The following BRWD3 variants were observed in gnomAD, a reference collection of about 807,000 sequenced individuals.
BRWD3 encodes bromodomain and WD repeat-containing protein 3.
A neutral mutation model predicts 149.7 loss-of-function variants in BRWD3; 10 were observed. The ratio of observed to expected loss-of-function variants is 0.07; its 90% CI spans 0.04 to 0.11. The LOEUF (loss-of-function observed/expected upper bound fraction) is 0.11, where lower values mean the gene tolerates loss of function less well. Ranked by LOEUF, BRWD3 falls within the 10% of genes least tolerant of loss-of-function variation. BRWD3 has a pLI of 1.00. For missense variants in BRWD3, 940 were observed against 1,373.2 expected, an observed-to-expected ratio of 0.68 and a Z score of 4.99; for synonymous variants, 504 against 456.7, an observed-to-expected ratio of 1.10 and a Z score of -1.32.
chrX:80,685,504 C>T lies in BRWD3; in HGVS notation c.4038G>A (p.Glu1346=). The T allele has an allele frequency of 1.3e-5, 16 of 1,208,944 alleles. No individual in the cohort carries two copies. The highest frequency in any genetic ancestry group is 1.8e-5 in the Non-Finnish European group (16 of 893,524). ...GHQEQEGESS[E]SVVPERQQDS... ...CTTGTTGTCTTTCTGGAACAACAGA[C>T]TCTGAGGATTCTCCCTCTTGCTCCT... The change falls in exon 36 of 41, where the codon GAG becomes GAA. Residue 1346 remains glutamate, a synonymous_variant. Transcript: ENST00000373275.
intron 25 of BRWD3, among the ~76,000 whole-genome samples, chrX:80,698,490 C>A (rs1333209331): frequency 9.0e-6 from 1 of 110,813 alleles, no homozygotes; most frequent in Non-Finnish European, 1.9e-5. Flanking sequence ...GGGTGGATCA[C>A]CTGAGGTCAG....
chrX:80,727,357 C>T (rs2073265811), intron 14 of BRWD3, among the ~76,000 whole-genome samples: 1 of 111,036 alleles, frequency 9.0e-6, no homozygotes, highest in Non-Finnish European at 1.9e-5. Flanking sequence ...ATTGGTGTTA[C>T]AATAGAGCCT....
chrX:80,698,657 C>T (rs777210255), intron 25 of BRWD3, among the ~76,000 whole-genome samples: 18 of 107,682 alleles, frequency 1.7e-4, no homozygotes, highest in African/African-American at 3.1e-4. Context: ...TGCAGTGAGC[C>T]GAGATCGCTC....
At chrX:80,793,379 G>C (rs1482810510) in intron 5 of BRWD3, among the ~76,000 whole-genome samples, 4 of 109,693 alleles carry the variant, frequency 3.6e-5, no homozygotes, top group African/African-American at 1.3e-4. Flanking sequence ...GAATCTTTGA[G>C]ATCTCTATTC....
chrX:80,771,452 C>A (rs60939653), intron 6 of BRWD3, among the ~76,000 whole-genome samples: 1 of 111,564 alleles, frequency 9.0e-6, no homozygotes, highest in African/African-American at 3.3e-5. Flanking sequence ...CACCACACAT[C>A]TACAACCATC....
intron 6 of BRWD3, among the ~76,000 whole-genome samples, chrX:80,785,181 G>T (rs775372562): frequency 6.2e-5 from 7 of 112,139 alleles, no homozygotes; most frequent in African/African-American, 2.3e-4. Context: ...AATTACATAT[G>T]CCTCAGAATT....
At chrX:80,799,999 T>C (rs2147864480) in intron 4 of BRWD3, among the ~76,000 whole-genome samples, 1 of 110,751 alleles carries the variant, frequency 9.0e-6, no homozygotes, top group South Asian at 3.8e-4. Flanking sequence ...GCAAACAAAA[T>C]AGTAAATAGA....
intron 38 of BRWD3, 142 bp downstream of exon 38, chrX:80,682,323 C>G: frequency 1.4e-6 from 1 of 716,390 alleles, no homozygotes; most frequent in Non-Finnish European, 2.1e-6. Flanking sequence ...TGATTACTAA[C>G]TCTACATAGG....
intron 4 of BRWD3, among the ~76,000 whole-genome samples, chrX:80,797,608 G>C (rs953480333): frequency 2.7e-5 from 3 of 111,519 alleles, no homozygotes; most frequent in East Asian, 5.6e-4. Context: ...CAATCACTCA[G>C]TAATAATTCA....
intron 6 of BRWD3, among the ~76,000 whole-genome samples, chrX:80,781,962 G>A (rs753221837): frequency 5.4e-5 from 6 of 111,457 alleles, no homozygotes; most frequent in African/African-American, 1.3e-4. Context: ...ACGCAATCCC[G>A]ATCAAAATAC....
Position 80,684,097 on chromosome X carries a change from T to C in BRWD3, c.4146A>G (p.Gly1382=), listed in dbSNP as rs756815250. The change falls in exon 37 of 41, where the codon GGA becomes GGG. Residue 1382 remains glycine (G), a synonymous_variant. Transcript: ENST00000373275. ...AAAATTCCAGAGGACTACCATAGTT[T>C]CCTGCTTCCAAAGTTTCTTTCACAG... ...FSTVKETLEA[G]NYGSPLEFYK... The C allele has an allele frequency of 1.7e-6, 2 of 1,206,230 alleles. No homozygotes were observed. The highest frequency in any genetic ancestry group is 2.2e-5 in the Admixed American group (1 of 45,896).
rs544816184 is a variant in BRWD3, at chrX:80,684,752, T to C, written c.4081-590A>G. 3.6e-5 allele frequency among the ~76,000 whole-genome samples: 4 copies of C among 111,422 alleles called. No homozygotes were observed. In the South Asian group the frequency reaches 1.5e-3, roughly 42 times the overall value. On this transcript the variant is annotated intron_variant, in intron 36 of 40. Transcript: ENST00000373275. Reference sequence around the variant, plus strand: ...TTAGGGAAGAGGAAAGATTTCATTTTAACCTAAATCCAGTAAAGATTTTCC... The same window carrying C: ...TTAGGGAAGAGGAAAGATTTCATTTCAACCTAAATCCAGTAAAGATTTTCC...
Position 80,728,866 on chromosome X carries a change from A to C in BRWD3, c.1272T>G (p.Leu424=). ...GATCCCAGGCCACCATAGTCACCTT[A>C]AGTTTAGTGATCTTGTCTTCTCCAG... ...LPSGEDKITK[L]KVTMVAWDRY... Residue 424 remains leucine (L), a synonymous_variant, in exon 14 of 41, where the codon CTT becomes CTG. Coordinates refer to ENST00000373275, the MANE Select transcript of BRWD3 (RefSeq NM_153252.5). 8.3e-7 allele frequency: 1 copy of C among 1,209,411 alleles called. No homozygotes were observed. The highest frequency in any genetic ancestry group is 1.1e-6 in the Non-Finnish European group (1 of 893,396).
chrX:80,720,233 A>G (rs761436212), intron 17 of BRWD3, among the ~76,000 whole-genome samples: 29 of 111,528 alleles, frequency 2.6e-4, no homozygotes, highest in Admixed American at 2.2e-3. Context: ...AACAGCCTCA[A>G]GAAGGTCCTC....
chrX:80,700,776 CA>C (rs1055747853), intron 24 of BRWD3, among the ~76,000 whole-genome samples: 5 of 109,403 alleles, frequency 4.6e-5, no homozygotes, highest in African/African-American at 1.7e-4. Context: ...AATGATAATA[CA>C]GATAAAAAAC....
chrX:80,768,794 TAAAG>T (rs752303484), intron 6 of BRWD3, among the ~76,000 whole-genome samples: 39 of 110,189 alleles, frequency 3.5e-4, no homozygotes, highest in Non-Finnish European at 6.8e-4. Context: ...GCAAATTGTA[TAAAG>T]AGTCAAGACC....
intron 6 of BRWD3, among the ~76,000 whole-genome samples, chrX:80,775,327 C>T (rs187008788): frequency 2.7e-5 from 3 of 111,867 alleles, no homozygotes; most frequent in South Asian, 3.7e-4. Context: ...AAACTCTAAG[C>T]CTTTGTTATG....
chrX:80,720,539 G>A (rs1415406705), intron 17 of BRWD3, among the ~76,000 whole-genome samples: 3 of 109,553 alleles, frequency 2.7e-5, no homozygotes, highest in Non-Finnish European at 3.8e-5. Flanking sequence ...CTACAAAAGA[G>A]TCGAAAAGTT....
intron 20 of BRWD3, among the ~76,000 whole-genome samples, chrX:80,715,515 C>T (rs768510317): frequency 4.5e-5 from 5 of 111,985 alleles, no homozygotes; most frequent in Non-Finnish European, 9.4e-5. Context: ...GAGTATTCTG[C>T]TTAGCAGTTT....
Sources: gnomAD v4.1 joint callset for allele counts (sites outside exome capture counted in the v4.1 genomes callset) on GRCh38, gnomAD v4.1.1 for gene constraint, MANE v1.5 for transcripts, NCBI Gene and HGNC (gene_info 2026-07-23, HGNC 2026-07-21) for gene names.